The following FUT8 variants were observed in gnomAD, a reference collection of about 807,000 sequenced individuals.
The protein encoded by FUT8 is alpha-(1,6)-fucosyltransferase.
FUT8 carries 29 observed loss-of-function variants against 71.3 expected under a neutral mutation model. That is an observed-to-expected ratio of 0.41 (90% CI 0.30 to 0.55). The LOEUF (loss-of-function observed/expected upper bound fraction) is 0.55, where lower values mean the gene tolerates loss of function less well. Among genes scored for constraint, FUT8 ranks in the 20% least tolerant of loss-of-function variants. The probability of loss-of-function intolerance (pLI) is 0.34; values close to 1 mark genes in which losing one functional copy is unlikely to be tolerated. For missense variants in FUT8, 544 were observed against 702.1 expected (o/e 0.77, Z 2.55); for synonymous variants, 254 against 239.3 (o/e 1.06, Z -0.57).
upstream of FUT8, chr14:65,412,173 C>A (rs371413321): frequency 1.5e-3 from 679 of 456,694 alleles, 3 homozygotes; most frequent in African/African-American, 0.012. Flanking sequence ...ACAGCTCTTA[C>A]AAGATAAAGT....
At chr14:65,495,336 C>T (rs1465571577) in intron 2 of FUT8, among the ~76,000 whole-genome samples, 1 of 152,124 alleles carries the variant, frequency 6.6e-6, no homozygotes, top group East Asian at 1.9e-4. Context: ...GAACAGGTCT[C>T]AAGCAGAGTT....
chr14:65,651,914 T>G (rs2140325694), intron 6 of FUT8, among the ~76,000 whole-genome samples: 1 of 152,288 alleles, frequency 6.6e-6, no homozygotes, highest in East Asian at 1.9e-4. Context: ...CAGAAACATC[T>G]TCATATTTGT....
Position 65,423,002 on chromosome 14 carries a change from T to C in FUT8, c.-326+9788T>C, listed in dbSNP as rs13329059. On this transcript the variant is annotated intron_variant, in intron 1 of 10. Coordinates refer to ENST00000673929, the MANE Select transcript of FUT8 (RefSeq NM_001371533.1). ...TTTCTTTCTTTTTTTTTTTTTTTTT[T>C]CGAGACTGAGTCTCGCTTTGTCACC... Among the ~76,000 whole-genome samples, 471 of 143,642 alleles carry C rather than the reference T, an allele frequency of 3.3e-3. 4 individuals carry two copies. The highest frequency in any genetic ancestry group is 0.011 in the African/African-American group (415 of 38,240). 94.2% of individuals were successfully genotyped at this position (143,642 alleles called of 152,430 possible).
At chr14:65,622,171 G>A (rs1377673946) in intron 5 of FUT8, among the ~76,000 whole-genome samples, 1 of 152,124 alleles carries the variant, frequency 6.6e-6, no homozygotes. Flanking sequence ...AGAGAAATTA[G>A]GTGGCTTAAC....
chr14:65,398,684 C>T, the FUT8 span, among the ~76,000 whole-genome samples: 1 of 151,338 alleles, frequency 6.6e-6, no homozygotes, highest in Admixed American at 6.6e-5. Flanking sequence ...AAGCTGAGAT[C>T]GCATCACTGC....
At chr14:65,424,539 C>CTTTTTTTTTTTTTTTTTTTTT (rs796843891) in intron 1 of FUT8, among the ~76,000 whole-genome samples, 3 of 125,420 alleles carry the variant, frequency 2.4e-5, no homozygotes, top group Non-Finnish European at 1.7e-5. Flanking sequence ...CTTTTCTTTT[C>CTTTTTTTTTTTTTTTTTTTTT]TTTTTTTTTT....
intron 2 of FUT8, among the ~76,000 whole-genome samples, chr14:65,468,941 G>A (rs559695257): frequency 6.6e-6 from 1 of 151,840 alleles, no homozygotes; most frequent in Non-Finnish European, 1.5e-5. Flanking sequence ...AGGACTACAG[G>A]TGTGTGCCAC....
intron 6 of FUT8, among the ~76,000 whole-genome samples, chr14:65,656,976 G>A (rs908671220): frequency 2.6e-5 from 4 of 152,054 alleles, no homozygotes; most frequent in African/African-American, 9.7e-5. Flanking sequence ...TTAGACCCCA[G>A]CCTCTCACCA....
chr14:65,478,714 C>G (rs1420354376), intron 2 of FUT8, among the ~76,000 whole-genome samples: 16 of 152,138 alleles, frequency 1.1e-4, no homozygotes, highest in Non-Finnish European at 1.9e-4. Flanking sequence ...TAGAAACCAC[C>G]TAAGTAATCT....
intron 1 of FUT8, among the ~76,000 whole-genome samples, chr14:65,426,668 C>T (rs1314737471): frequency 6.6e-6 from 1 of 152,200 alleles, no homozygotes; most frequent in East Asian, 1.9e-4. Flanking sequence ...GGAATTTCAT[C>T]TGCTTTTAAG....
At position 65,550,104 on chromosome 14, in the gene FUT8, C is replaced by A. The variant is rs1036884850; in HGVS notation, c.-227-11233C>A. Among the ~76,000 whole-genome samples the A allele has an allele frequency of 4.6e-5, 7 of 152,046 alleles. No homozygotes were observed. The highest frequency in any genetic ancestry group is 1.7e-4 in the African/African-American group (7 of 41,374). On this transcript the variant is annotated intron_variant, in intron 2 of 10. Transcript: ENST00000673929. The surrounding 1 kb of genome is among the most constrained non-coding windows in gnomAD (Gnocchi z 4.5). ...ACAAAAAAGTTTACTTGGTTCCCAG[C>A]TTTGCAGTCTGTAGGAGAAGCATAA...
upstream of FUT8, chr14:65,411,920 T>C (rs978397935): frequency 2.5e-5 from 10 of 403,342 alleles, no homozygotes; most frequent in Non-Finnish European, 4.9e-5. Context: ...GCTGGCGGTC[T>C]GGGCTGCTCT....
At chr14:65,475,759 C>T (rs1311905020) in intron 2 of FUT8, among the ~76,000 whole-genome samples, 3 of 151,378 alleles carry the variant, frequency 2.0e-5, no homozygotes, top group African/African-American at 4.9e-5. Flanking sequence ...ATCCAGCCTC[C>T]GCAACAGAGT....
At chr14:65,609,309 A>AT (rs1888754541) in intron 3 of FUT8, among the ~76,000 whole-genome samples, 4 of 151,342 alleles carry the variant, frequency 2.6e-5, no homozygotes, top group African/African-American at 9.7e-5. Context: ...AAAAAAAAAA[A>AT]ATTTTTCCTC....
intron 6 of FUT8, among the ~76,000 whole-genome samples, chr14:65,644,159 A>G (rs187654751): frequency 6.6e-6 from 1 of 152,326 alleles, no homozygotes; most frequent in Admixed American, 6.5e-5. Context: ...GGGAATACGT[A>G]GGCTCTTGAG....
intron 3 of FUT8, among the ~76,000 whole-genome samples, chr14:65,594,370 C>G: frequency 6.6e-6 from 1 of 152,236 alleles, no homozygotes; most frequent in East Asian, 1.9e-4. Context: ...CAGGAGTAAA[C>G]TCCCTTCAGG....
intron 2 of FUT8, among the ~76,000 whole-genome samples, chr14:65,555,159 G>A (rs1295235425): frequency 2.6e-5 from 4 of 152,190 alleles, no homozygotes; most frequent in South Asian, 4.1e-4. Flanking sequence ...ATATGTGACA[G>A]TGACTATATA....
rs773442197 is a variant in FUT8 at position 65,592,501 on chromosome 14, G to T, written c.204-23477G>T. ...GATAGATAGATATATTAAAGGAGCTGTTCAAACTTCAGCCTTTGGTGGAAG... is the reference window on the plus strand; with the variant it reads ...GATAGATAGATATATTAAAGGAGCTTTTCAAACTTCAGCCTTTGGTGGAAG... On this transcript the variant is annotated intron_variant, in intron 3 of 10. Coordinates refer to ENST00000673929, the MANE Select transcript of FUT8 (RefSeq NM_001371533.1). Among the ~76,000 whole-genome samples the T allele has an allele frequency of 2.0e-5, 3 of 152,174 alleles. No individual in the cohort carries two copies. In the Middle Eastern group the frequency reaches 0.01, roughly 518 times the overall value.
At chr14:65,651,607 T>C (rs1292635968) in intron 6 of FUT8, among the ~76,000 whole-genome samples, 3 of 152,198 alleles carry the variant, frequency 2.0e-5, no homozygotes, top group Non-Finnish European at 4.4e-5. Context: ...ACAAGGATTT[T>C]AAAGAAGCTA....
Sources: allele counts gnomAD v4.1 joint callset (sites outside exome capture counted in the v4.1 genomes callset), GRCh38; gene constraint gnomAD v4.1.1; non-coding constraint Gnocchi (gnomAD v3.1); transcripts MANE v1.5; gene names NCBI Gene and HGNC (gene_info 2026-07-23, HGNC 2026-07-21).